The following UIMC1 variants were observed in gnomAD, a reference collection of about 807,000 sequenced individuals.
UIMC1 encodes the protein BRCA1-A complex subunit RAP80.
Under a neutral mutation model 84.9 loss-of-function variants are expected in UIMC1, and 42 were observed. That is an observed-to-expected ratio of 0.49 (90% CI 0.39 to 0.64). The LOEUF (loss-of-function observed/expected upper bound fraction) is 0.64, where lower values mean the gene tolerates loss of function less well. Ranked by LOEUF, UIMC1 falls within the 30% of genes least tolerant of loss-of-function variation. UIMC1 has a pLI of 0.00. For synonymous variants in UIMC1, 281 were observed against 293.0 expected, an observed-to-expected ratio of 0.96 and a Z score of 0.42; for missense variants, 825 against 847.6, an observed-to-expected ratio of 0.97 and a Z score of 0.33.
At chr5:176,919,130 T>A in intron 10 of UIMC1, 1 of 378,400 alleles carries the variant, frequency 2.6e-6, no homozygotes, top group South Asian at 1.9e-5. Context: ...ATGTACCATA[T>A]AATCCACCCA....
chr5:176,922,568 TCA>T (rs1423795698), intron 10 of UIMC1, among the ~76,000 whole-genome samples: 2 of 152,244 alleles, frequency 1.3e-5, no homozygotes, highest in Non-Finnish European at 2.9e-5. Context: ...GTATTTTCTT[TCA>T]GTCTTTATTT....
chr5:177,021,684 C>T (rs1464396494), intron 1 of UIMC1, among the ~76,000 whole-genome samples: 1 of 151,548 alleles, frequency 6.6e-6, no homozygotes, highest in African/African-American at 2.4e-5. Flanking sequence ...CGGAGTTTCG[C>T]TCTTGTTGCC....
At chr5:176,993,216 G>A (rs972653961) in intron 1 of UIMC1, among the ~76,000 whole-genome samples, 4 of 151,602 alleles carry the variant, frequency 2.6e-5, no homozygotes, top group African/African-American at 9.7e-5. Context: ...CGGGTGCAGT[G>A]GCTCATGCTG....
At chr5:176,974,246 G>C (rs1769712585) in intron 3 of UIMC1, among the ~76,000 whole-genome samples, 1 of 151,988 alleles carries the variant, frequency 6.6e-6, no homozygotes, top group Admixed American at 6.6e-5. Context: ...AAATGGAAAA[G>C]AACAGAAAAT....
At chr5:176,979,260 T>C (rs187011566) in intron 2 of UIMC1, among the ~76,000 whole-genome samples, 3 of 152,300 alleles carry the variant, frequency 2.0e-5, no homozygotes, top group Admixed American at 1.3e-4. Flanking sequence ...CAGGGATACA[T>C]GTAAATGTGG....
At chr5:176,973,065 G>A (rs948742380) in intron 3 of UIMC1, among the ~76,000 whole-genome samples, 1 of 151,950 alleles carries the variant, frequency 6.6e-6, no homozygotes, top group African/African-American at 2.4e-5. Flanking sequence ...ATAGGTGCCT[G>A]CCACCAGGCC....
Position 177,002,530 on chromosome 5 carries a change from G to A in UIMC1, c.-9+4120C>T, listed in dbSNP as rs558325565. 8.5e-5 allele frequency among the ~76,000 whole-genome samples: 13 copies of A among 152,176 alleles called. No homozygotes were observed. In the South Asian group the frequency reaches 2.5e-3, roughly 29 times the overall value. Reference sequence around the variant, plus strand: ...AAAAATAATAAATATGGCTGGGCACGGTGGCTCACGCCTGTAATCCCAGCA... The same window carrying A: ...AAAAATAATAAATATGGCTGGGCACAGTGGCTCACGCCTGTAATCCCAGCA... On this transcript the variant is annotated intron_variant, in intron 1 of 14. Transcript: ENST00000511320.
chr5:176,935,658 G>A (rs966066980), intron 10 of UIMC1, among the ~76,000 whole-genome samples: 1 of 152,158 alleles, frequency 6.6e-6, no homozygotes, highest in African/African-American at 2.4e-5. Context: ...TAAGTGAGAA[G>A]ACTGGACAGG....
chr5:176,923,005 T>C (rs749490377), intron 10 of UIMC1, among the ~76,000 whole-genome samples: 1 of 152,350 alleles, frequency 6.6e-6, no homozygotes, highest in South Asian at 2.1e-4. Flanking sequence ...TCTAACTGCC[T>C]TTGAATCCTA....
chr5:176,990,502 C>T (rs1257460358), intron 1 of UIMC1, among the ~76,000 whole-genome samples: 1 of 152,078 alleles, frequency 6.6e-6, no homozygotes, highest in African/African-American at 2.4e-5. Context: ...GTTACCATTA[C>T]ACAAATTAAA....
At chr5:176,951,404 A>G (rs1765857942) in intron 9 of UIMC1, 70 bp downstream of exon 9, 1 of 1,206,892 alleles carries the variant, frequency 8.3e-7, no homozygotes, top group Admixed American at 2.8e-5. Context: ...GCCAATGTCA[A>G]CGTTGCATCA....
intron 1 of UIMC1, among the ~76,000 whole-genome samples, chr5:177,001,055 T>C (rs1462063710): frequency 6.6e-6 from 1 of 152,218 alleles, no homozygotes; most frequent in African/African-American, 2.4e-5. Flanking sequence ...CCTGTGGTTA[T>C]GGGATATTAC....
intron 10 of UIMC1, among the ~76,000 whole-genome samples, chr5:176,936,728 C>T (rs1763756532): frequency 1.3e-5 from 2 of 152,176 alleles, no homozygotes. Context: ...GTAGCACTCT[C>T]CCCACCTCAC....
At chr5:176,969,935 A>G in intron 4 of UIMC1, 1 of 460,788 alleles carries the variant, frequency 2.2e-6, no homozygotes, top group South Asian at 2.9e-5. Context: ...TGGCATAAAA[A>G]GATGGTTCAG....
intron 6 of UIMC1, among the ~76,000 whole-genome samples, chr5:176,967,967 A>C (rs1768563375): frequency 6.6e-6 from 1 of 152,092 alleles, no homozygotes; most frequent in African/African-American, 2.4e-5. Flanking sequence ...AGAATAAGTC[A>C]TCTATTAAGA....
intron 10 of UIMC1, among the ~76,000 whole-genome samples, chr5:176,915,793 C>CAAAAAAAAAAAA (rs58297107): frequency 1.2e-4 from 5 of 42,656 alleles, no homozygotes; most frequent in Admixed American, 2.7e-4. Flanking sequence ...GGTCACAAAG[C>CAAAAAAAAAAAA]AAAAAAAAAA....
chr5:176,955,457 C>T (rs865920482), intron 8 of UIMC1, among the ~76,000 whole-genome samples: 1 of 152,064 alleles, frequency 6.6e-6, no homozygotes, highest in African/African-American at 2.4e-5. Flanking sequence ...GAAGTCCAGG[C>T]ACAGTGGCTC....
Position 176,951,556 on chromosome 5 carries a change from TC to T in UIMC1, c.1360del (p.Glu454LysfsTer22). Reference sequence around the variant, plus strand: ...GACTTCTCTTTCAAGGTCAAAAGTTTCAGAGGAACTTAGCTGGGTCTCTGTA... The same window carrying T: ...GACTTCTCTTTCAAGGTCAAAAGTTTAGAGGAACTTAGCTGGGTCTCTGTA... ...VCPETQLSSS[E>X]TFDLEREVSP... On this transcript the variant is annotated frameshift_variant, in exon 9 of 15. Coordinates refer to ENST00000511320, the MANE Select transcript of UIMC1 (RefSeq NM_001199298.2). LOFTEE classifies it high-confidence loss of function. The T allele has an allele frequency of 1.3e-6, 2 of 1,592,740 alleles. No homozygotes were observed. Among genetic ancestry groups the T allele is most frequent in the South Asian group, 1.2e-5 (1 of 85,498 alleles).
At chr5:177,005,949 G>A (rs1166171013) in intron 1 of UIMC1, among the ~76,000 whole-genome samples, 1 of 152,204 alleles carries the variant, frequency 6.6e-6, no homozygotes, top group Non-Finnish European at 1.5e-5. Context: ...CTGGAAACGC[G>A]CCGGCCCTGC....
Sources: allele counts gnomAD v4.1 joint callset (sites outside exome capture counted in the v4.1 genomes callset), GRCh38; gene constraint gnomAD v4.1.1; transcripts MANE v1.5; gene names NCBI Gene and HGNC (gene_info 2026-07-23, HGNC 2026-07-21).